TTC28: variants seen among roughly 807,000 people sequenced by gnomAD.
TTC28 encodes the protein tetratricopeptide repeat protein 28.
Under a neutral mutation model 198.0 loss-of-function variants are expected in TTC28, and 61 were observed. That is an observed-to-expected ratio of 0.31 (90% confidence interval 0.25 to 0.38). The LOEUF is 0.38. Ranked by LOEUF, TTC28 falls within the 10% of genes least tolerant of loss-of-function variation. TTC28 has a pLI of 1.00. For missense variants in TTC28, 2,678 were observed against 3,164.0 expected, an observed-to-expected ratio of 0.85 and a Z score of 3.69; for synonymous variants, 1,171 against 1,297.8, an observed-to-expected ratio of 0.90 and a Z score of 2.10.
chr22:28,427,381 C>T (rs1328412009), intron 2 of TTC28, among the ~76,000 whole-genome samples: 3 of 152,194 alleles, frequency 2.0e-5, no homozygotes, highest in Non-Finnish European at 4.4e-5. Flanking sequence ...AGGCCGAGCG[C>T]GGTGGCTCAC....
intron 1 of TTC28, among the ~76,000 whole-genome samples, chr22:28,640,768 G>A (rs2051351784): frequency 6.6e-6 from 1 of 152,048 alleles, no homozygotes; most frequent in African/African-American, 2.4e-5. Context: ...CATTACTCAT[G>A]GGAATATAAA....
intron 2 of TTC28, among the ~76,000 whole-genome samples, chr22:28,399,366 G>T (rs1207099011): frequency 6.7e-6 from 1 of 148,388 alleles, no homozygotes; most frequent in Non-Finnish European, 1.5e-5. Context: ...ACATAGGCTG[G>T]AGTGCAGTGG....
chr22:28,390,296 G>C (rs2046694094), intron 2 of TTC28, among the ~76,000 whole-genome samples: 1 of 152,054 alleles, frequency 6.6e-6, no homozygotes, highest in South Asian at 2.1e-4. Flanking sequence ...GTGGGGTGTG[G>C]TGCTGAAAAA....
chr22:28,386,090 A>C (rs897542746), intron 2 of TTC28, among the ~76,000 whole-genome samples: 1 of 150,874 alleles, frequency 6.6e-6, no homozygotes, highest in South Asian at 2.1e-4. Flanking sequence ...TCCCGGCTAA[A>C]ACGGTGAAAC....
At chr22:28,074,959 G>T (rs1384491196) in intron 12 of TTC28, among the ~76,000 whole-genome samples, 1 of 152,108 alleles carries the variant, frequency 6.6e-6, no homozygotes, top group Non-Finnish European at 1.5e-5. Flanking sequence ...AATTAGCCGA[G>T]TGTGGTGGTG....
At chr22:28,221,257 C>T (rs1452089913) in intron 5 of TTC28, among the ~76,000 whole-genome samples, 1 of 152,072 alleles carries the variant, frequency 6.6e-6, no homozygotes, top group Non-Finnish European at 1.5e-5. Context: ...AAGCAAAAGC[C>T]CAGTCACAAA....
chr22:28,205,794 C>T (rs1033204874), intron 5 of TTC28, among the ~76,000 whole-genome samples: 8 of 151,918 alleles, frequency 5.3e-5, no homozygotes, highest in Admixed American at 1.3e-4. Flanking sequence ...TTTTATGAGC[C>T]ACATTTATTT....
intron 2 of TTC28, among the ~76,000 whole-genome samples, chr22:28,620,070 G>A (rs958825825): frequency 5.3e-5 from 8 of 152,210 alleles, no homozygotes; most frequent in Admixed American, 3.9e-4. Context: ...AGCCAACATC[G>A]GCCGGGCACA....
At chr22:28,624,157 G>A (rs1202494489) in intron 2 of TTC28, among the ~76,000 whole-genome samples, 2 of 152,082 alleles carry the variant, frequency 1.3e-5, no homozygotes, top group Non-Finnish European at 2.9e-5. Flanking sequence ...CCAGAAAAGG[G>A]CAGATTAACA....
intron 2 of TTC28, among the ~76,000 whole-genome samples, chr22:28,336,040 T>C (rs941989817): frequency 1.3e-5 from 2 of 152,226 alleles, no homozygotes; most frequent in African/African-American, 4.8e-5. Context: ...TGAGAGTTTT[T>C]AGCACGAAGG....
chr22:28,070,364 A>T (rs1405772732), intron 12 of TTC28, among the ~76,000 whole-genome samples: 1 of 152,232 alleles, frequency 6.6e-6, no homozygotes, highest in Non-Finnish European at 1.5e-5. Context: ...GTGCTGAGAT[A>T]GACAAAAACA....
intron 5 of TTC28, among the ~76,000 whole-genome samples, chr22:28,272,691 T>C (rs1265927756): frequency 6.6e-6 from 1 of 151,972 alleles, no homozygotes; most frequent in Admixed American, 6.6e-5. Flanking sequence ...GGCACTGGAG[T>C]GGTATCAAGG....
intron 2 of TTC28, among the ~76,000 whole-genome samples, chr22:28,314,125 G>C (rs2045314305): frequency 6.6e-6 from 1 of 152,074 alleles, no homozygotes; most frequent in Non-Finnish European, 1.5e-5. Flanking sequence ...GCTACTAAGA[G>C]AATAAAATAC....
At chr22:28,071,747 G>GGAAAAAAAAAAAAAAAA (rs1940981851) in intron 12 of TTC28, among the ~76,000 whole-genome samples, 3 of 112,410 alleles carry the variant, frequency 2.7e-5, no homozygotes, top group African/African-American at 3.8e-5. Context: ...AAAAAAAAAA[G>GGAAAAAAAAAAAAAAAA]GAAAAAAAAA....
chr22:28,407,130 G>T (rs2047008792), intron 2 of TTC28, among the ~76,000 whole-genome samples: 1 of 152,106 alleles, frequency 6.6e-6, no homozygotes. Flanking sequence ...CCTATGGACA[G>T]CAAACAAGTT....
rs748991881 is a variant in TTC28 at position 28,096,400 on chromosome 22, C to G, written c.3556G>C (p.Asp1186His). 4.5e-6 allele frequency: 7 copies of G among 1,551,112 alleles called. No homozygotes were observed. Among genetic ancestry groups the G allele is most frequent in the Non-Finnish European group, 6.1e-6 (7 of 1,147,030 alleles). The change falls in exon 11 of 23, where the codon GAT becomes CAT. Residue 1186 changes from aspartate to histidine, a missense_variant. By Grantham distance (81) the Asp-to-His change is moderately conservative. Transcript: ENST00000397906. ...CTTTCTGCCACAGCCAGGGCTTCAT[C>G]ATGATGGCCTAGGAGACAAAGAGAT... ...QRVLVSLGHH[D>H]EALAVAERGR...
At chr22:28,390,494 C>T (rs1275465577) in intron 2 of TTC28, among the ~76,000 whole-genome samples, 3 of 152,104 alleles carry the variant, frequency 2.0e-5, no homozygotes, top group Non-Finnish European at 4.4e-5. Context: ...CTTTGTAGGT[C>T]GCTCAGGACT....
intron 2 of TTC28, among the ~76,000 whole-genome samples, chr22:28,491,334 G>A (rs971282931): frequency 1.3e-5 from 2 of 152,088 alleles, no homozygotes; most frequent in Middle Eastern, 3.2e-3. Context: ...CCTACAGAAT[G>A]GGAGAAAATT....
intron 2 of TTC28, among the ~76,000 whole-genome samples, chr22:28,474,747 A>G (rs1175317667): frequency 6.6e-6 from 1 of 152,204 alleles, no homozygotes; most frequent in Non-Finnish European, 1.5e-5. Context: ...AGCATAGTCA[A>G]TTGGCCCTGC....
Sources: allele counts gnomAD v4.1 joint callset (sites outside exome capture counted in the v4.1 genomes callset), GRCh38; gene constraint gnomAD v4.1.1; transcripts MANE v1.5; gene names NCBI Gene and HGNC (gene_info 2026-07-23, HGNC 2026-07-21).